GPC3: variants seen among roughly 807,000 people sequenced by gnomAD.
GPC3 encodes the protein glypican 3.
GPC3 carries 3 observed loss-of-function variants against 34.4 expected under a neutral mutation model. The ratio of observed to expected loss-of-function variants is 0.09; its 90% CI spans 0.04 to 0.23. GPC3 has a LOEUF of 0.23. Among genes scored for constraint, GPC3 ranks in the 10% least tolerant of loss-of-function variants. The pLI is 1.00. For missense variants in GPC3, 351 were observed against 445.6 expected, an observed-to-expected ratio of 0.79 and a Z score of 1.91; for synonymous variants, 177 against 174.0, an observed-to-expected ratio of 1.02 and a Z score of -0.13.
At chrX:133,984,112 A>G (rs1243696541) in intron 1 of GPC3, among the ~76,000 whole-genome samples, 2 of 113,184 alleles carry the variant, frequency 1.8e-5, no homozygotes, top group Admixed American at 9.2e-5. Context: ...GCCCGCCTCC[A>G]TGACTTGTTG....
At chrX:133,649,103 T>C (rs888403646) in intron 6 of GPC3, among the ~76,000 whole-genome samples, 17 of 111,434 alleles carry the variant, frequency 1.5e-4, no homozygotes, top group Non-Finnish European at 2.3e-4. Flanking sequence ...GCTTGCTCAA[T>C]ATTGAATAAA....
At chrX:133,979,968 C>T in intron 1 of GPC3, among the ~76,000 whole-genome samples, 1 of 111,612 alleles carries the variant, frequency 9.0e-6, no homozygotes, top group African/African-American at 3.3e-5. Flanking sequence ...GAGTTCTGAT[C>T]CCAGGTTACA....
chrX:133,908,521 G>A (rs1375343310), intron 2 of GPC3, among the ~76,000 whole-genome samples: 1 of 111,553 alleles, frequency 9.0e-6, no homozygotes, highest in Non-Finnish European at 1.9e-5. Flanking sequence ...GGTCTAAACC[G>A]AGGCTTAAAG....
At chrX:133,897,621 G>A (rs1205108921) in intron 2 of GPC3, among the ~76,000 whole-genome samples, 1 of 110,560 alleles carries the variant, frequency 9.0e-6, no homozygotes, top group East Asian at 2.8e-4. Flanking sequence ...CCTGAAAAAG[G>A]GAGAGATGAG....
chrX:133,800,714 T>TAG (rs1436502759), intron 2 of GPC3, among the ~76,000 whole-genome samples: 1 of 111,662 alleles, frequency 9.0e-6, no homozygotes, highest in African/African-American at 3.3e-5. Context: ...AAAGACTGTT[T>TAG]AGAGAGAGCC....
At chrX:133,893,699 C>T (rs912611484) in intron 2 of GPC3, among the ~76,000 whole-genome samples, 7 of 111,426 alleles carry the variant, frequency 6.3e-5, no homozygotes, top group African/African-American at 2.0e-4. Context: ...GGACACACAC[C>T]GTCTAATCAT....
intron 7 of GPC3, among the ~76,000 whole-genome samples, chrX:133,575,368 A>T (rs1008207672): frequency 4.5e-5 from 5 of 111,991 alleles, no homozygotes; most frequent in Non-Finnish European, 1.9e-5. Context: ...CAATACTGCT[A>T]CTATGTGAAG....
intron 3 of GPC3, among the ~76,000 whole-genome samples, chrX:133,720,978 A>G (rs2071359412): frequency 9.1e-6 from 1 of 110,248 alleles, no homozygotes; most frequent in Non-Finnish European, 1.9e-5. Context: ...CTCACAAATC[A>G]TCATTAAAGA....
At chrX:133,952,262 G>A (rs1484451221) in intron 2 of GPC3, among the ~76,000 whole-genome samples, 5 of 110,656 alleles carry the variant, frequency 4.5e-5, no homozygotes, top group Non-Finnish European at 9.4e-5. Flanking sequence ...GATTTCCATC[G>A]ACAAAATAAG....
At chrX:133,653,103 T>C (rs1226997949) in intron 6 of GPC3, among the ~76,000 whole-genome samples, 1 of 112,240 alleles carries the variant, frequency 8.9e-6, no homozygotes, top group Non-Finnish European at 1.9e-5. Flanking sequence ...ATTTAGTACC[T>C]TCATTGACCA....
chrX:133,961,369 C>T (rs763559682), intron 1 of GPC3, among the ~76,000 whole-genome samples: 3 of 111,118 alleles, frequency 2.7e-5, no homozygotes, highest in Admixed American at 9.6e-5. Context: ...TCTCTAAGCC[C>T]GAAAATTAAA....
At chrX:133,978,507 C>G (rs1018562433) in intron 1 of GPC3, among the ~76,000 whole-genome samples, 4 of 111,686 alleles carry the variant, frequency 3.6e-5, no homozygotes, top group African/African-American at 1.3e-4. Context: ...TAAGATTTAA[C>G]TAGTCTACTT....
intron 6 of GPC3, among the ~76,000 whole-genome samples, chrX:133,659,666 C>T (rs2070699150): frequency 9.0e-6 from 1 of 111,729 alleles, no homozygotes. Flanking sequence ...CCTTTGAATC[C>T]CCAAAGTCCC....
At chrX:133,578,700 CA>C (rs1176358872) in intron 7 of GPC3, among the ~76,000 whole-genome samples, 1 of 110,990 alleles carries the variant, frequency 9.0e-6, no homozygotes, top group Non-Finnish European at 1.9e-5. Context: ...CAAAACAAAA[CA>C]AAACAGAACA....
At chrX:133,928,055 G>A (rs1456990302) in intron 2 of GPC3, among the ~76,000 whole-genome samples, 1 of 109,609 alleles carries the variant, frequency 9.1e-6, no homozygotes, top group Non-Finnish European at 1.9e-5. Context: ...CTTTCGACTT[G>A]TTCATCCTAA....
At chrX:133,828,584 A>G (rs2075760902) in intron 2 of GPC3, among the ~76,000 whole-genome samples, 1 of 112,170 alleles carries the variant, frequency 8.9e-6, no homozygotes, top group Admixed American at 9.5e-5. Flanking sequence ...TTAAATGGGA[A>G]TTTATTAAAG....
At chrX:133,699,548 C>G (rs1250236072) in intron 4 of GPC3, among the ~76,000 whole-genome samples, 2 of 111,951 alleles carry the variant, frequency 1.8e-5, no homozygotes, top group Non-Finnish European at 3.8e-5. Flanking sequence ...TTAACTCTGA[C>G]TCACTGTTAA....
chrX:133,791,797 TTTCCTTCCTTCCTTCCTTCCTTCCTTCC>T lies in GPC3; in HGVS notation c.338-37649_338-37622del, dbSNP rs199692354. Among the ~76,000 whole-genome samples the T allele has an allele frequency of 4.8e-3, 385 of 80,206 alleles. 3 individuals carry two copies. Among genetic ancestry groups the T allele is most frequent in the African/African-American group, 0.018 (361 of 19,734 alleles). 69.6% of individuals were successfully genotyped at this position (80,206 alleles called of 115,157 possible). On this transcript the variant is annotated intron_variant, in intron 2 of 7. Transcript: ENST00000370818. ...CCCTGCTTTCCTTTTTCCTTTTTCT[TTTCCTTCCTTCCTTCCTTCCTTCCTTCC>T]TTCCTTCCTTCCTTCCTTCCTTCCT...
intron 2 of GPC3, among the ~76,000 whole-genome samples, chrX:133,799,593 T>G (rs1471537332): frequency 9.0e-6 from 1 of 111,623 alleles, no homozygotes; most frequent in African/African-American, 3.3e-5. Context: ...TGCTGTTTAT[T>G]CTCTGTGCCT....
Sources: allele counts gnomAD v4.1 joint callset (sites outside exome capture counted in the v4.1 genomes callset), GRCh38; gene constraint gnomAD v4.1.1; transcripts MANE v1.5; gene names NCBI Gene and HGNC (gene_info 2026-07-23, HGNC 2026-07-21).